Variants in USP10 observed in about 807,000 individuals in gnomAD.
The protein encoded by USP10 is ubiquitin carboxyl-terminal hydrolase 10.
USP10 carries 22 observed loss-of-function variants against 84.5 expected under a neutral mutation model. The ratio of observed to expected loss-of-function variants is 0.26; its 90% CI spans 0.19 to 0.37. The LOEUF (loss-of-function observed/expected upper bound fraction) is 0.37, where lower values mean the gene tolerates loss of function less well. USP10 is among the 10% of genes least tolerant of loss of function. The pLI, the probability that USP10 is intolerant of heterozygous loss-of-function variation, is 1.00. For synonymous variants in USP10, 454 were observed against 387.6 expected, an observed-to-expected ratio of 1.17 and a Z score of -2.01; for missense variants, 1,019 against 998.9, an observed-to-expected ratio of 1.02 and a Z score of -0.27.
chr16:84,702,712 G>C (rs1036164999), intron 1 of USP10, among the ~76,000 whole-genome samples: 13 of 152,118 alleles, frequency 8.5e-5, no homozygotes, highest in Admixed American at 7.9e-4. Context: ...AATGTTTACA[G>C]GCCAGCGCGG....
chr16:84,714,881 A>G (rs1177930555), intron 1 of USP10, among the ~76,000 whole-genome samples: 1 of 151,258 alleles, frequency 6.6e-6, no homozygotes, highest in African/African-American at 2.4e-5. Flanking sequence ...AGTTCTACAT[A>G]TGAAATGTTT....
intron 1 of USP10, among the ~76,000 whole-genome samples, chr16:84,728,822 G>A (rs1053570133): frequency 2.0e-5 from 3 of 151,162 alleles, no homozygotes; most frequent in Admixed American, 6.6e-5. Context: ...TTTTTGAGAC[G>A]GAGTCTTCCT....
At chr16:84,759,543 T>A (rs1567638621) in intron 6 of USP10, 71 bp downstream of exon 6, 2 of 1,381,584 alleles carry the variant, frequency 1.4e-6, no homozygotes, top group Non-Finnish European at 2.1e-6. Context: ...TTGAAATAGT[T>A]TAGTAAAGCT....
In USP10 at chr16:84,772,469, G is replaced by A. The variant is rs897929314; in HGVS notation, c.1999-72G>A. On this transcript the variant is annotated intron_variant, in intron 11 of 13. Transcript: ENST00000219473. ...CACCTCTCAGAGGACGTCTTTGAGC[G>A]GAAGGTGGATGTGGTGTTAGCTGTT... is the stretch of plus-strand genomic sequence containing the variant. 18 of 1,594,990 alleles carry A rather than the reference G, an allele frequency of 1.1e-5. No individual in the cohort carries two copies. The South Asian group carries it at 1.4e-4, about 13-fold the overall frequency.
chr16:84,759,622 T>C (rs1912967755), intron 6 of USP10, 150 bp downstream of exon 6: 3 of 782,160 alleles, frequency 3.8e-6, no homozygotes, highest in South Asian at 1.8e-5. Flanking sequence ...CGATTTTATA[T>C]GGAAGTTAAC....
Position 84,772,656 on chromosome 16 carries a change from A to G in USP10, c.2114A>G (p.Glu705Gly), listed in dbSNP as rs773707467. The G allele has an allele frequency of 1.2e-6, 2 of 1,613,856 alleles. No individual in the cohort carries two copies. The highest frequency in any genetic ancestry group is 1.3e-5 in the African/African-American group (1 of 74,902). The change falls in exon 12 of 14, where the codon GAA becomes GGA. Residue 705 changes from glutamate to glycine, a missense_variant. By Grantham distance (98) the Glu-to-Gly change is moderately conservative. Around this residue, in one of 2 missense-constraint regions of USP10, gnomAD observed 232 missense variants for 290.1 expected, o/e 0.80. Transcript: ENST00000219473. ...TGCCAGAAGCTTATCAAAAATATTG[A>G]ATATCCTGTGGACTTGGAAATTAGT... Reference protein sequence around the residue: ...GGCQKLIKNIEYPVDLEISKE... With the variant: ...GGCQKLIKNIGYPVDLEISKE...
intron 12 of USP10, among the ~76,000 whole-genome samples, chr16:84,773,150 G>C (rs191718322): frequency 8.0e-4 from 122 of 152,314 alleles, no homozygotes; most frequent in Non-Finnish European, 1.6e-3. Context: ...GTCTCTGTCA[G>C]GTCACGGGCT....
At chr16:84,750,174 G>C (rs1348363269) in intron 4 of USP10, among the ~76,000 whole-genome samples, 1 of 152,150 alleles carries the variant, frequency 6.6e-6, no homozygotes, top group Non-Finnish European at 1.5e-5. Flanking sequence ...TTCGGAGGTT[G>C]AGGTGGGTGG....
At chr16:84,718,197 G>A (rs1442891341) in intron 1 of USP10, among the ~76,000 whole-genome samples, 1 of 152,106 alleles carries the variant, frequency 6.6e-6, no homozygotes, top group Admixed American at 6.5e-5. Flanking sequence ...TGAGAGATGA[G>A]TTTAATTACA....
intron 1 of USP10, among the ~76,000 whole-genome samples, chr16:84,711,292 G>A (rs1353846879): frequency 6.6e-6 from 1 of 152,168 alleles, no homozygotes; most frequent in Non-Finnish European, 1.5e-5. Context: ...AGAACCTTAA[G>A]AGCTGCTCTG....
At chr16:84,772,505 CA>C in intron 11 of USP10, 35 bp from the exon 12 acceptor site, 1 of 1,611,106 alleles carries the variant, frequency 6.2e-7, no homozygotes, top group Non-Finnish European at 8.5e-7. Flanking sequence ...GCAAGTAAGA[CA>C]GGGACGGTGT....
chr16:84,713,722 C>T (rs1906617404), intron 1 of USP10, among the ~76,000 whole-genome samples: 1 of 152,176 alleles, frequency 6.6e-6, no homozygotes, highest in South Asian at 2.1e-4. Context: ...TGTTAGGATC[C>T]AGAATTAGAG....
At chr16:84,749,310 A>C (rs914366659) in intron 4 of USP10, among the ~76,000 whole-genome samples, 1 of 152,228 alleles carries the variant, frequency 6.6e-6, no homozygotes, top group Non-Finnish European at 1.5e-5. Context: ...AGCAGCGTTT[A>C]ACTGAGTGAA....
chr16:84,729,388 C>G (rs1363755197), intron 1 of USP10, among the ~76,000 whole-genome samples: 1 of 152,156 alleles, frequency 6.6e-6, no homozygotes, highest in African/African-American at 2.4e-5. Context: ...TTGTCTTTTA[C>G]TGACATTTGA....
intron 4 of USP10, among the ~76,000 whole-genome samples, chr16:84,747,343 A>T (rs1231918982): frequency 6.6e-6 from 1 of 152,190 alleles, no homozygotes; most frequent in Admixed American, 6.5e-5. Flanking sequence ...CCTTCGATGG[A>T]TGGTCAGAAT....
intron 9 of USP10, 70 bp from the exon 10 acceptor site, chr16:84,764,016 G>C (rs1913526324): frequency 8.0e-6 from 12 of 1,497,962 alleles, no homozygotes; most frequent in Non-Finnish European, 8.9e-7. Flanking sequence ...GCAATCGACA[G>C]ATCTGTGCCT....
At chr16:84,772,747 A>T in intron 12 of USP10, 62 bp downstream of exon 12, 1 of 1,583,602 alleles carries the variant, frequency 6.3e-7, no homozygotes, top group Non-Finnish European at 8.6e-7. Flanking sequence ...CAGAAGCTCA[A>T]CCCTGTAGCA....
intron 3 of USP10, among the ~76,000 whole-genome samples, chr16:84,741,126 C>T (rs1054628544): frequency 2.0e-5 from 3 of 152,236 alleles, no homozygotes; most frequent in East Asian, 3.8e-4. Context: ...GTTCAGTTAG[C>T]ATGGTCAGAC....
intron 3 of USP10, 114 bp downstream of exon 3, chr16:84,740,483 A>G (rs1910498608): frequency 1.2e-6 from 1 of 869,226 alleles, no homozygotes; most frequent in Non-Finnish European, 1.8e-6. Context: ...TGTAGCTTGA[A>G]GTTTTTGCTG....
Sources: allele counts gnomAD v4.1 joint callset (sites outside exome capture counted in the v4.1 genomes callset), GRCh38; gene constraint gnomAD v4.1.1; regional missense constraint gnomAD v4.1.1; transcripts MANE v1.5; gene names NCBI Gene and HGNC (gene_info 2026-07-23, HGNC 2026-07-21).